Variants in SLC15A1 observed in about 807,000 individuals in gnomAD.
SLC15A1 encodes the protein Caco-2 oligopeptide transporter.
A neutral mutation model predicts 92.9 loss-of-function variants in SLC15A1; 83 were observed. The observed-to-expected ratio is 0.89, with a 90% CI of 0.75 to 1.07. SLC15A1 has a LOEUF of 1.07. Among genes scored for constraint, SLC15A1 ranks in the 50% least tolerant of loss-of-function variants. SLC15A1 has a pLI of 0.00. For synonymous variants in SLC15A1, 322 were observed against 318.2 expected (o/e 1.01, Z -0.13); for missense variants, 857 against 880.1 (o/e 0.97, Z 0.33).
chr13:98,751,987 G>C (rs1189884582), intron 1 of SLC15A1, among the ~76,000 whole-genome samples: 2 of 152,200 alleles, frequency 1.3e-5, no homozygotes, highest in Non-Finnish European at 2.9e-5. Context: ...ATTCGGAAGC[G>C]GGGCAGGAGT....
intron 14 of SLC15A1, 150 bp from the exon 15 acceptor site, chr13:98,708,917 T>C (rs557361009): frequency 3.9e-6 from 2 of 513,550 alleles, no homozygotes; most frequent in East Asian, 3.3e-5. Flanking sequence ...CATGGATTCA[T>C]GAGGATTCAA....
In SLC15A1 at chr13:98,688,473, C is replaced by A. The variant is rs143400114; in HGVS notation, c.1571G>T (p.Gly524Val). Residue 524 changes from glycine (G) to valine (V), a missense_variant, in exon 19 of 23, where the codon GGC (glycine) becomes GTC (valine). By Grantham distance (109) the Gly-to-Val change is moderately radical. Coordinates refer to ENST00000376503, the MANE Select transcript of SLC15A1 (RefSeq NM_005073.4). ...AGCATTCAGTCTCGGTACTTACATG[C>A]CAGAAGGAAAAAACTGGTATGTGCT... The part of the protein sequence containing the change: ...NASTYQFFPS[G>V]IKGFTISSTE... The A allele has an allele frequency of 5.6e-6, 9 of 1,613,496 alleles. No homozygotes were observed. The highest frequency in any genetic ancestry group is 1.7e-5 in the Admixed American group (1 of 60,002).
At position 98,724,302 on chromosome 13, in the gene SLC15A1, G is replaced by A. The variant is rs142537144; in HGVS notation, c.246-271C>T. On this transcript the variant is annotated intron_variant, in intron 4 of 22. Transcript: ENST00000376503. Reference sequence around the variant, plus strand: ...GAGGACTGCTTGAGCTCAGGAGTTCGACACCAGCCTGGGCAACATAGCAAG... The same window carrying A: ...GAGGACTGCTTGAGCTCAGGAGTTCAACACCAGCCTGGGCAACATAGCAAG... 6.2e-4 allele frequency among the ~76,000 whole-genome samples: 94 copies of A among 152,184 alleles called. 1 individual carries two copies. In the South Asian group the frequency reaches 8.5e-3, roughly 14 times the overall value.
intron 9 of SLC15A1, among the ~76,000 whole-genome samples, chr13:98,712,809 C>A (rs1174865850): frequency 1.3e-5 from 2 of 152,176 alleles, no homozygotes; most frequent in South Asian, 2.1e-4. Flanking sequence ...ACTTTACTCT[C>A]CAGATCCTCT....
intron 1 of SLC15A1, among the ~76,000 whole-genome samples, chr13:98,739,688 G>A (rs1285911330): frequency 6.6e-6 from 1 of 152,206 alleles, no homozygotes; most frequent in Non-Finnish European, 1.5e-5. Flanking sequence ...ACAGCCTGCA[G>A]AGCCATAAGC....
Position 98,706,187 on chromosome 13 carries a change from T to A in SLC15A1, c.1216A>T (p.Thr406Ser). The stretch of plus-strand genomic sequence containing the variant: ...TCTCCAGGAAGAGATATATTCATGG[T>A]ATTGTTTCCTATATTCAAAACTTTA... ...QIKVLNIGNN[T>S]MNISLPGEMV... is the part of the protein sequence containing the mutation. The change falls in exon 16 of 23, where the codon ACC becomes TCC. Residue 406 changes from threonine to serine, a missense_variant. By Grantham distance (58) the Thr-to-Ser change is moderately conservative. Transcript: ENST00000376503. 2 of 1,613,400 alleles carry A rather than the reference T, an allele frequency of 1.2e-6. No homozygotes were observed. The highest frequency in any genetic ancestry group is 1.3e-5 in the African/African-American group (1 of 75,048).
rs1428350629 is a variant in SLC15A1, at chr13:98,726,265, C to A, written c.104-1G>T. The stretch of plus-strand genomic sequence containing the variant: ...TTTGTGAAGTACAGAATCAGGATTG[C>A]TTTTGCAGAGGGCAGGTGGAAGAGG... On this transcript the variant is annotated splice_acceptor_variant, in intron 3 of 22. Coordinates refer to ENST00000376503, the MANE Select transcript of SLC15A1 (RefSeq NM_005073.4). LOFTEE classifies it high-confidence loss of function. The A allele has an allele frequency of 1.2e-6, 2 of 1,614,086 alleles. No individual in the cohort carries two copies. Among genetic ancestry groups the A allele is most frequent in the South Asian group, 1.1e-5 (1 of 91,074 alleles).
At chr13:98,691,318 C>G (rs1470162339) in intron 18 of SLC15A1, among the ~76,000 whole-genome samples, 1 of 152,208 alleles carries the variant, frequency 6.6e-6, no homozygotes, top group South Asian at 2.1e-4. Flanking sequence ...GGATTACAGG[C>G]GTGAGCCATC....
chr13:98,740,307 C>G (rs1419103854), intron 1 of SLC15A1, among the ~76,000 whole-genome samples: 2 of 152,192 alleles, frequency 1.3e-5, no homozygotes, highest in African/African-American at 2.4e-5. Context: ...GTGCTCCGCA[C>G]TCCACCTGGA....
At chr13:98,711,589 TACTTG>T (rs2088163137) in intron 11 of SLC15A1, among the ~76,000 whole-genome samples, 1 of 152,250 alleles carries the variant, frequency 6.6e-6, no homozygotes, top group Non-Finnish European at 1.5e-5. Context: ...TTCCCAAGGC[TACTTG>T]ACTTGACCTC....
intron 1 of SLC15A1, among the ~76,000 whole-genome samples, chr13:98,746,817 C>T (rs572061834): frequency 1.8e-4 from 28 of 152,298 alleles, no homozygotes; most frequent in African/African-American, 6.3e-4. Flanking sequence ...GACCCCTTTC[C>T]GCAGCCCGGT....
chr13:98,727,776 A>G (rs979918526), intron 1 of SLC15A1, among the ~76,000 whole-genome samples: 6 of 152,022 alleles, frequency 3.9e-5, no homozygotes, highest in Non-Finnish European at 7.4e-5. Context: ...ATCACATACT[A>G]CCCTGTTTCC....
chr13:98,721,384 G>T, intron 7 of SLC15A1, 111 bp downstream of exon 7: 1 of 781,280 alleles, frequency 1.3e-6, no homozygotes, highest in Non-Finnish European at 2.3e-6. Context: ...CCAGCATGTA[G>T]CTGACAGCTA....
rs142192480 is a variant in SLC15A1 at position 98,740,000 on chromosome 13, C to T, written c.4+12595G>A. 8.1e-4 allele frequency among the ~76,000 whole-genome samples: 123 copies of T among 152,220 alleles called. 1 individual carries two copies. Among genetic ancestry groups the T allele is most frequent in the African/African-American group, 2.9e-3 (119 of 41,552 alleles). On this transcript the variant is annotated intron_variant, in intron 1 of 22. Transcript: ENST00000376503. ...AAGAAGAAAGAGCCCCCTCCAGGGT[C>T]AATTACATTGACCCAAAGTAGAAGT...
chr13:98,742,963 C>A (rs1018534134), intron 1 of SLC15A1, among the ~76,000 whole-genome samples: 3 of 152,100 alleles, frequency 2.0e-5, no homozygotes, highest in Admixed American at 2.0e-4. Context: ...TTTGTAGAGA[C>A]AAGGTCTGCT....
intron 8 of SLC15A1, 91 bp downstream of exon 8, chr13:98,719,146 G>T: frequency 1.2e-6 from 1 of 840,690 alleles, no homozygotes; most frequent in Non-Finnish European, 1.9e-6. Flanking sequence ...GTTGCCACTT[G>T]TTACATGCAC....
chr13:98,713,532 A>G (rs1166215157), intron 9 of SLC15A1, among the ~76,000 whole-genome samples: 2 of 152,238 alleles, frequency 1.3e-5, no homozygotes, highest in Non-Finnish European at 1.5e-5. Flanking sequence ...ACTACAGAGA[A>G]ATACATTTAT....
chr13:98,731,663 G>A (rs967566986), intron 1 of SLC15A1, among the ~76,000 whole-genome samples: 18 of 152,134 alleles, frequency 1.2e-4, no homozygotes, highest in African/African-American at 4.3e-4. Context: ...CCTTTCCTGT[G>A]TTCCCCGGAT....
chr13:98,708,415 A>T (rs1032624404), intron 15 of SLC15A1, among the ~76,000 whole-genome samples: 11 of 152,202 alleles, frequency 7.2e-5, no homozygotes, highest in African/African-American at 2.7e-4. Context: ...GGGAGTTCAG[A>T]TTGTGAAGGA....
Sources: allele counts gnomAD v4.1 joint callset (sites outside exome capture counted in the v4.1 genomes callset), GRCh38; gene constraint gnomAD v4.1.1; transcripts MANE v1.5; gene names NCBI Gene and HGNC (gene_info 2026-07-23, HGNC 2026-07-21).